Variants in GPR174 observed in about 807,000 individuals in gnomAD.
GPR174 encodes the protein probable G protein-coupled receptor 174.
In GPR174, 8 loss-of-function variants were observed where a neutral mutation model predicts 16.5. The observed-to-expected ratio is 0.48, with a 90% CI of 0.28 to 0.87. GPR174 has a LOEUF of 0.87. Ranked by LOEUF, GPR174 falls within the 40% of genes least tolerant of loss-of-function variation. The pLI is 0.09. For synonymous variants in GPR174, 111 were observed against 94.8 expected (o/e 1.17, Z -0.99); for missense variants, 214 against 247.5 (o/e 0.86, Z 0.91).
At chrX:79,158,627 A>G (rs1241231968) in intron 2 of GPR174, among the ~76,000 whole-genome samples, 2 of 107,110 alleles carry the variant, frequency 1.9e-5, no homozygotes, top group Non-Finnish European at 3.8e-5. Flanking sequence ...TATTTTTAGT[A>G]AAGATGGGGT....
chrX:79,145,399 T>C (rs151170815), intron 1 of GPR174, among the ~76,000 whole-genome samples, 182 bp downstream of exon 1: 309 of 111,393 alleles, frequency 2.8e-3, no homozygotes, highest in African/African-American at 9.6e-3. Context: ...ACAAAAATAA[T>C]TGTATGACGG....
intron 1 of GPR174, 115 bp from the exon 2 acceptor site, chrX:79,156,707 T>C (rs1460326088): frequency 1.8e-5 from 2 of 112,293 alleles, no homozygotes; most frequent in Non-Finnish European, 3.8e-5. Context: ...ATACTCTCCT[T>C]TTCCTGTGGT....
intron 2 of GPR174, among the ~76,000 whole-genome samples, chrX:79,167,720 T>C (rs1405938707): frequency 8.9e-6 from 1 of 112,057 alleles, no homozygotes; most frequent in Admixed American, 9.5e-5. Flanking sequence ...CAGAATGCAG[T>C]CTGATTAAGA....
chrX:79,157,851 T>G lies in GPR174; in HGVS notation c.-557+933T>G, dbSNP rs187747917. Among the ~76,000 whole-genome samples the G allele has an allele frequency of 2.7e-5, 3 of 109,965 alleles. No homozygotes were observed. The East Asian group carries it at 8.7e-4, about 32-fold the overall frequency. Reference sequence around the variant, plus strand: ...ATTGTAAAGGAACATGTCTAGTGCTTGAGCCTAGTTTGAAAAATCATGAAC... The same window carrying G: ...ATTGTAAAGGAACATGTCTAGTGCTGGAGCCTAGTTTGAAAAATCATGAAC... On this transcript the variant is annotated intron_variant, in intron 2 of 2. Coordinates refer to ENST00000645147, the MANE Select transcript of GPR174 (RefSeq NM_032553.3).
intron 2 of GPR174, 114 bp from the exon 3 acceptor site, chrX:79,170,338 T>C (rs1921477724): frequency 9.0e-6 from 1 of 111,009 alleles, no homozygotes. Context: ...CATATACCCT[T>C]CCCTTACTTA....
At chrX:79,163,957 C>T (rs1050486993) in intron 2 of GPR174, among the ~76,000 whole-genome samples, 3 of 111,132 alleles carry the variant, frequency 2.7e-5, no homozygotes, top group Non-Finnish European at 5.7e-5. Context: ...TGAAATGGCC[C>T]TATATGAATG....
In GPR174 at chrX:79,152,226, T is replaced by A. The variant is rs777340097; in HGVS notation, c.-653-4596T>A. ...GCTTCCTAGTGCATTCTATACTGGCTATAAGGAATTCGAATTTGGGAGAAT... is the reference window on the plus strand; with the variant it reads ...GCTTCCTAGTGCATTCTATACTGGCAATAAGGAATTCGAATTTGGGAGAAT... On this transcript the variant is annotated intron_variant, in intron 1 of 2. Transcript: ENST00000645147. Among the ~76,000 whole-genome samples the A allele has an allele frequency of 3.6e-5, 4 of 111,905 alleles. No homozygotes were observed. The South Asian group carries it at 1.5e-3, about 41-fold the overall frequency.
rs1446049089 is a variant in GPR174, at chrX:79,173,571, A to G, written c.*1562A>G. The stretch of plus-strand genomic sequence containing the variant: ...TTAGAGGAAAGGGGTTGTTTTAGGC[A>G]TACAGTTATGATACTAATACATTAG... On this transcript the variant is annotated 3_prime_UTR_variant, in exon 3 of 3. Transcript: ENST00000645147. 8.9e-6 allele frequency: 1 copy of G among 112,263 alleles called. No homozygotes were observed. The highest frequency in any genetic ancestry group is 2.8e-4 in the East Asian group (1 of 3,594). The allele number at this position is 112,263 out of a possible 1,213,427, so 9.3% of individuals were successfully genotyped here.
At chrX:79,168,456 TG>T (rs1032803641) in intron 2 of GPR174, among the ~76,000 whole-genome samples, 22 of 111,276 alleles carry the variant, frequency 2.0e-4, no homozygotes, top group African/African-American at 7.2e-4. Flanking sequence ...CCCAACACTT[TG>T]GGATGCTGAG....
rs1921535275 is a variant in GPR174 at position 79,172,181 on chromosome X, T to C, written c.*172T>C. 1 of 448,445 alleles carries C rather than the reference T, an allele frequency of 2.2e-6. No homozygotes were observed. The highest frequency in any genetic ancestry group is 5.4e-5 in the South Asian group (1 of 18,355). The allele number at this position is 448,445 out of a possible 1,213,427, so 37.0% of individuals were successfully genotyped here. ...GCAGGACCTATTTGGAGCATTACGA[T>C]CCACGATTATTGATGTTGACATGTC... On this transcript the variant is annotated 3_prime_UTR_variant, in exon 3 of 3. Transcript: ENST00000645147.
In GPR174 at chrX:79,144,980, T is replaced by C. The variant is rs1181891174; in HGVS notation, c.-891T>C. The C allele has an allele frequency of 1.3e-4, 8 of 63,761 alleles. No individual in the cohort carries two copies. Among genetic ancestry groups the C allele is most frequent in the Admixed American group, 6.1e-4 (3 of 4,921 alleles). The allele number at this position is 63,761 out of a possible 1,213,427, so 5.3% of individuals were successfully genotyped here. On this transcript the variant is annotated 5_prime_UTR_variant, in exon 1 of 3. Coordinates refer to ENST00000645147, the MANE Select transcript of GPR174 (RefSeq NM_032553.3). ...TTTCTTTCTTTCTCTTTCTTTCTTT[T>C]TCTTTCTTTCTTTCTCTCTCTCTCT... is the stretch of plus-strand genomic sequence containing the variant.
In GPR174 at chrX:79,145,018, CTTTCTTTCTTTCTT is replaced by C. The variant is rs1926467999; in HGVS notation, c.-851_-838del. 1 of 41,840 alleles carries C rather than the reference CTTTCTTTCTTTCTT, an allele frequency of 2.4e-5. No homozygotes were observed. Among genetic ancestry groups the C allele is most frequent in the Admixed American group, 2.7e-4 (1 of 3,771 alleles). 3.4% of individuals were successfully genotyped at this position (41,840 alleles called of 1,213,427 possible). A position where few individuals can be genotyped will look rare whatever the true frequency, so the allele number is the denominator to read the frequency against. On this transcript the variant is annotated 5_prime_UTR_variant, in exon 1 of 3. Transcript: ENST00000645147. ...TCTCTCTCTCTCTCTTTCTTTCTTTCTTTCTTTCTTTCTTTCTTTCTTTCTTTCTTTCTTTCTTT... is the reference window on the plus strand; with the variant it reads ...TCTCTCTCTCTCTCTTTCTTTCTTTCTCTTTCTTTCTTTCTTTCTTTCTTT...
chrX:79,149,821 G>T (rs867752920), intron 1 of GPR174, among the ~76,000 whole-genome samples: 9 of 82,133 alleles, frequency 1.1e-4, no homozygotes, highest in Admixed American at 1.4e-4. Flanking sequence ...ACCTCCCTCA[G>T]TTTTTTTTTT....
intron 1 of GPR174, among the ~76,000 whole-genome samples, chrX:79,154,390 A>T (rs188795307): frequency 1.2e-3 from 136 of 111,899 alleles, no homozygotes; most frequent in African/African-American, 4.2e-3. Context: ...ACATCGCAAT[A>T]GTTTTAAGCA....
At chrX:79,153,088 T>G (rs992498001) in intron 1 of GPR174, among the ~76,000 whole-genome samples, 1 of 112,416 alleles carries the variant, frequency 8.9e-6, no homozygotes, top group Non-Finnish European at 1.9e-5. Context: ...TATGGATCAG[T>G]GAATCGCTGT....
At chrX:79,155,966 GTCCCCCTCTATGTTCCTTTAATTCAT>G (rs962799216) in intron 1 of GPR174, among the ~76,000 whole-genome samples, 1 of 111,649 alleles carries the variant, frequency 9.0e-6, no homozygotes, top group African/African-American at 3.3e-5. Context: ...ACCTAAGGCT[GTCCCCCTCTATGTTCCTTTAATTCAT>G]TCTACCAAGT....
At chrX:79,145,773 A>C (rs1926488074) in intron 1 of GPR174, among the ~76,000 whole-genome samples, 1 of 111,845 alleles carries the variant, frequency 8.9e-6, no homozygotes, top group Non-Finnish European at 1.9e-5. Context: ...TCACTGTAAA[A>C]GTTAATTATT....
chrX:79,170,189 C>T (rs892084687), intron 2 of GPR174, among the ~76,000 whole-genome samples: 1 of 111,325 alleles, frequency 9.0e-6, no homozygotes, highest in African/African-American at 3.3e-5. Flanking sequence ...TCCAGGGTGA[C>T]GCCTGAGATT....
Position 79,173,116 on chromosome X carries a change from C to T in GPR174, c.*1107C>T, listed in dbSNP as rs1346407954. On this transcript the variant is annotated 3_prime_UTR_variant, in exon 3 of 3. Coordinates refer to ENST00000645147, the MANE Select transcript of GPR174 (RefSeq NM_032553.3). ...GTTACTTACACAAGCCAGAGTAAGTCTCTCTGCCCCATCATTGCATACATA... is the reference window on the plus strand; with the variant it reads ...GTTACTTACACAAGCCAGAGTAAGTTTCTCTGCCCCATCATTGCATACATA... 1.8e-5 allele frequency: 2 copies of T among 111,942 alleles called. No homozygotes were observed. The highest frequency in any genetic ancestry group is 3.8e-5 in the Non-Finnish European group (2 of 53,158). 9.2% of individuals were successfully genotyped at this position (111,942 alleles called of 1,213,427 possible).
Sources: allele counts gnomAD v4.1 joint callset (sites outside exome capture counted in the v4.1 genomes callset), GRCh38; gene constraint gnomAD v4.1.1; transcripts MANE v1.5; gene names NCBI Gene and HGNC (gene_info 2026-07-23, HGNC 2026-07-21).